SORCS1: variants seen among roughly 807,000 people sequenced by gnomAD.
SORCS1 encodes VPS10 domain-containing receptor SorCS1.
SORCS1 carries 60 observed loss-of-function variants against 146.1 expected under a neutral mutation model. The observed-to-expected ratio is 0.41, with a 90% CI of 0.33 to 0.51. The LOEUF (loss-of-function observed/expected upper bound fraction) is 0.51, where lower values mean the gene tolerates loss of function less well. Among genes scored for constraint, SORCS1 ranks in the 20% least tolerant of loss-of-function variants. The pLI, the probability that SORCS1 is intolerant of heterozygous loss-of-function variation, is 0.21. For synonymous variants in SORCS1, 637 were observed against 584.0 expected, an observed-to-expected ratio of 1.09 and a Z score of -1.31; for missense variants, 1,352 against 1,487.6, an observed-to-expected ratio of 0.91 and a Z score of 1.50.
chr10:106,865,803 C>G (rs1283546633), intron 2 of SORCS1, among the ~76,000 whole-genome samples: 1 of 151,720 alleles, frequency 6.6e-6, no homozygotes, highest in Non-Finnish European at 1.5e-5. Flanking sequence ...GAGGCCCAGG[C>G]AGGCAGATCA....
intron 1 of SORCS1, among the ~76,000 whole-genome samples, chr10:107,069,204 G>A (rs554584151): frequency 1.3e-5 from 2 of 152,204 alleles, no homozygotes; most frequent in East Asian, 3.9e-4. Context: ...TATGCATTGA[G>A]AGATATATGA....
intron 5 of SORCS1, among the ~76,000 whole-genome samples, chr10:106,735,883 G>A (rs1401378035): frequency 6.6e-6 from 1 of 152,120 alleles, no homozygotes; most frequent in Non-Finnish European, 1.5e-5. Context: ...GGAGTATGAG[G>A]CGAAGTTGCA....
In SORCS1 at chr10:106,829,375, C is replaced by T. The variant is rs547278860; in HGVS notation, c.726+199G>A. 7.9e-5 allele frequency among the ~76,000 whole-genome samples: 12 copies of T among 152,284 alleles called. No individual in the cohort carries two copies. The East Asian group carries it at 2.1e-3, about 27-fold the overall frequency. On this transcript the variant is annotated intron_variant, in intron 3 of 25. Transcript: ENST00000263054. The stretch of plus-strand genomic sequence containing the variant: ...GGAAATGGTAATGATCTACCTATCC[C>T]TCACCCTCTTACATTCACAGCTGCT...
intron 2 of SORCS1, among the ~76,000 whole-genome samples, chr10:106,923,232 G>A (rs1002522197): frequency 6.6e-6 from 1 of 152,208 alleles, no homozygotes; most frequent in African/African-American, 2.4e-5. Flanking sequence ...ATCTTTTCCA[G>A]AATGTCATGT....
chr10:106,795,010 T>C (rs1946486462), intron 3 of SORCS1, among the ~76,000 whole-genome samples: 1 of 152,222 alleles, frequency 6.6e-6, no homozygotes, highest in Admixed American at 6.5e-5. Context: ...CCTTTATTTC[T>C]ATAGCTATGA....
At chr10:106,941,879 C>T (rs564734315) in intron 2 of SORCS1, among the ~76,000 whole-genome samples, 146 of 152,298 alleles carry the variant, frequency 9.6e-4, no homozygotes, top group African/African-American at 3.4e-3. Context: ...ATCTGTAAGT[C>T]TTAGTTCTGG....
chr10:107,081,968 G>A (rs1478621485), intron 1 of SORCS1, among the ~76,000 whole-genome samples: 1 of 152,204 alleles, frequency 6.6e-6, no homozygotes, highest in Admixed American at 6.5e-5. Flanking sequence ...GTATGTTTGG[G>A]AAGAAAGAAA....
intron 1 of SORCS1, among the ~76,000 whole-genome samples, chr10:107,151,010 G>A (rs1226797183): frequency 6.6e-6 from 1 of 152,214 alleles, no homozygotes; most frequent in South Asian, 2.1e-4. Context: ...GGGCACTGCT[G>A]TAAAGATACC....
At chr10:106,759,300 T>A (rs556936024) in intron 5 of SORCS1, among the ~76,000 whole-genome samples, 1 of 152,284 alleles carries the variant, frequency 6.6e-6, no homozygotes, top group Admixed American at 6.5e-5. Context: ...GGGAGATCAT[T>A]GGCTCCTAAA....
At chr10:107,038,696 C>CGGGGGGGGGG (rs58516423) in intron 1 of SORCS1, among the ~76,000 whole-genome samples, 1 of 149,886 alleles carries the variant, frequency 6.7e-6, no homozygotes, top group Non-Finnish European at 1.5e-5. Context: ...GGGCAGGGGG[C>CGGGGGGGGGG]GGGGGGGGAG....
chr10:107,007,518 T>C (rs1008973748), intron 1 of SORCS1, among the ~76,000 whole-genome samples: 1 of 152,072 alleles, frequency 6.6e-6, no homozygotes, highest in African/African-American at 2.4e-5. Flanking sequence ...TGAAAACAGA[T>C]CCTCCAGCCC....
intron 3 of SORCS1, among the ~76,000 whole-genome samples, chr10:106,783,608 T>C (rs1005437044): frequency 6.6e-6 from 1 of 152,138 alleles, no homozygotes; most frequent in Non-Finnish European, 1.5e-5. Flanking sequence ...TGTAAGATAA[T>C]GGAGAATTCC....
intron 18 of SORCS1, among the ~76,000 whole-genome samples, chr10:106,640,433 A>G (rs1481205516): frequency 6.6e-6 from 1 of 152,262 alleles, no homozygotes; most frequent in Non-Finnish European, 1.5e-5. Flanking sequence ...AATGAGATAC[A>G]GATCAAAGTT....
In SORCS1 at chr10:107,102,680, T is replaced by C. The variant is rs192419366; in HGVS notation, c.558+61289A>G. On this transcript the variant is annotated intron_variant, in intron 1 of 25. Transcript: ENST00000263054. ...AGACTCTGAGCATCTACATCTTACA[T>C]GCAAAGCGATAAACTGTGGTTCTTC... Among the ~76,000 whole-genome samples, 5 of 152,310 alleles carry C rather than the reference T, an allele frequency of 3.3e-5. 1 individual carries two copies. The highest frequency in any genetic ancestry group is 3.3e-4 in the Admixed American group (5 of 15,302).
intron 17 of SORCS1, among the ~76,000 whole-genome samples, chr10:106,660,005 T>C (rs1850602526): frequency 6.6e-6 from 1 of 152,212 alleles, no homozygotes; most frequent in Non-Finnish European, 1.5e-5. Context: ...GATGAGTCTG[T>C]AAATAATGCA....
At chr10:106,793,119 A>C (rs1946395562) in intron 3 of SORCS1, among the ~76,000 whole-genome samples, 1 of 152,230 alleles carries the variant, frequency 6.6e-6, no homozygotes. Context: ...AGATCAATGA[A>C]ACTACCATTG....
intron 2 of SORCS1, among the ~76,000 whole-genome samples, chr10:106,952,897 C>T (rs182861844): frequency 1.2e-4 from 18 of 151,858 alleles, no homozygotes; most frequent in African/African-American, 4.1e-4. Flanking sequence ...GTGGGAAGAT[C>T]ACTTTTATCT....
At chr10:106,953,000 CTAA>C (rs957150479) in intron 2 of SORCS1, among the ~76,000 whole-genome samples, 11 of 151,476 alleles carry the variant, frequency 7.3e-5, no homozygotes, top group African/African-American at 1.9e-4. Context: ...ACTACTACTA[CTAA>C]TAATAATAAT....
At chr10:106,653,743 C>T (rs957298690) in intron 17 of SORCS1, among the ~76,000 whole-genome samples, 9 of 152,134 alleles carry the variant, frequency 5.9e-5, no homozygotes, top group Non-Finnish European at 1.2e-4. Flanking sequence ...ATTATTAATG[C>T]TTATCTCATA....
Sources: gnomAD v4.1 joint callset for allele counts (sites outside exome capture counted in the v4.1 genomes callset) on GRCh38, gnomAD v4.1.1 for gene constraint, MANE v1.5 for transcripts, NCBI Gene and HGNC (gene_info 2026-07-23, HGNC 2026-07-21) for gene names.